The following BMPR1B variants were observed in gnomAD, a reference collection of about 807,000 sequenced individuals.
BMPR1B encodes the protein bone morphogenetic protein receptor type 1B.
Under a neutral mutation model 59.1 loss-of-function variants are expected in BMPR1B, and 12 were observed. The ratio of observed to expected loss-of-function variants is 0.20; its 90% CI spans 0.13 to 0.33. The LOEUF is 0.33. BMPR1B is among the 10% of genes least tolerant of loss of function. BMPR1B has a pLI of 1.00. For missense variants in BMPR1B, 550 were observed against 610.9 expected, an observed-to-expected ratio of 0.90 and a Z score of 1.05; for synonymous variants, 237 against 207.3, an observed-to-expected ratio of 1.14 and a Z score of -1.23.
Position 94,978,227 on chromosome 4 carries a change from A to C in BMPR1B, c.-112-17813A>C, listed in dbSNP as rs545651409. 2.0e-5 allele frequency among the ~76,000 whole-genome samples: 3 copies of C among 152,360 alleles called. No homozygotes were observed. In the East Asian group the frequency reaches 5.8e-4, roughly 29 times the overall value. On this transcript the variant is annotated intron_variant, in intron 2 of 12. Transcript: ENST00000515059. The stretch of plus-strand genomic sequence containing the variant: ...ATCTACTGCTTTTTAACAAATAACC[A>C]TAAAACTTAGTAGATTAAAACAACA...
At chr4:95,115,882 A>G in intron 6 of BMPR1B, 95 bp downstream of exon 6, 1 of 1,111,320 alleles carries the variant, frequency 9.0e-7, no homozygotes, top group Non-Finnish European at 1.3e-6. Flanking sequence ...TACCTGTACC[A>G]CTTTCCACTG....
chr4:95,009,146 G>A (rs1456863160), intron 3 of BMPR1B, among the ~76,000 whole-genome samples: 2 of 152,218 alleles, frequency 1.3e-5, no homozygotes, highest in African/African-American at 4.8e-5. Context: ...AAATCTTGGT[G>A]TGGATGTGAA....
intron 3 of BMPR1B, among the ~76,000 whole-genome samples, chr4:95,002,105 C>T (rs551377719): frequency 6.6e-5 from 10 of 152,224 alleles, no homozygotes; most frequent in Admixed American, 3.3e-4. Flanking sequence ...ATACTACCCA[C>T]TAGGTAGTTT....
chr4:94,951,730 G>A (rs1232978962), intron 2 of BMPR1B, among the ~76,000 whole-genome samples: 1 of 151,952 alleles, frequency 6.6e-6, no homozygotes, highest in Non-Finnish European at 1.5e-5. Context: ...TTTTTTTGTT[G>A]TGTCTCTACC....
At chr4:94,956,199 A>T (rs1730136136) in intron 2 of BMPR1B, among the ~76,000 whole-genome samples, 1 of 151,926 alleles carries the variant, frequency 6.6e-6, no homozygotes, top group South Asian at 2.1e-4. Context: ...TTTAGAAGAG[A>T]GTTTTAGGTT....
intron 2 of BMPR1B, among the ~76,000 whole-genome samples, chr4:94,975,152 G>GT (rs1730971195): frequency 6.6e-6 from 1 of 152,084 alleles, no homozygotes; most frequent in African/African-American, 2.4e-5. Context: ...GAGCAGGTGA[G>GT]TAGGAGGGGC....
At chr4:94,828,735 A>G (rs1724470001) in intron 1 of BMPR1B, among the ~76,000 whole-genome samples, 1 of 152,098 alleles carries the variant, frequency 6.6e-6, no homozygotes, top group East Asian at 1.9e-4. Context: ...ATCACCATCA[A>G]TCTGGACCCC....
intron 2 of BMPR1B, among the ~76,000 whole-genome samples, chr4:94,880,783 G>A (rs1274697682): frequency 2.0e-5 from 3 of 151,514 alleles, no homozygotes; most frequent in Non-Finnish European, 2.9e-5. Context: ...GATTACAGGC[G>A]TGCCACCATG....
At chr4:94,828,367 A>G (rs1205616291) in intron 1 of BMPR1B, among the ~76,000 whole-genome samples, 1 of 152,194 alleles carries the variant, frequency 6.6e-6, no homozygotes, top group Non-Finnish European at 1.5e-5. Context: ...TATTTCCAAT[A>G]ACAGAATTTT....
At chr4:94,825,376 A>G (rs904779466) in intron 1 of BMPR1B, among the ~76,000 whole-genome samples, 4 of 152,044 alleles carry the variant, frequency 2.6e-5, no homozygotes, top group Non-Finnish European at 4.4e-5. Flanking sequence ...AGTGTGGCAT[A>G]TACCTGTAGT....
At chr4:95,010,057 CAGAG>C (rs1723114219) in intron 3 of BMPR1B, among the ~76,000 whole-genome samples, 1 of 152,082 alleles carries the variant, frequency 6.6e-6, no homozygotes, top group Non-Finnish European at 1.5e-5. Flanking sequence ...TTGGGGGACA[CAGAG>C]AAGGAATAGC....
chr4:94,911,829 G>A (rs1303073700), intron 2 of BMPR1B, among the ~76,000 whole-genome samples: 3 of 152,112 alleles, frequency 2.0e-5, no homozygotes, highest in African/African-American at 7.2e-5. Context: ...TGGTATAGGA[G>A]TAGGCCCAAT....
chr4:95,137,486 T>C (rs1733886692), intron 10 of BMPR1B, among the ~76,000 whole-genome samples: 1 of 152,164 alleles, frequency 6.6e-6, no homozygotes, highest in African/African-American at 2.4e-5. Flanking sequence ...GTCTCGTTGA[T>C]CTGTCTAATG....
intron 4 of BMPR1B, among the ~76,000 whole-genome samples, chr4:95,109,805 AC>A (rs1318823492): frequency 1.3e-5 from 2 of 150,154 alleles, no homozygotes; most frequent in Non-Finnish European, 3.0e-5. Context: ...GGTGTGCTGC[AC>A]CCATTAACTC....
chr4:95,157,917 A>G lies in BMPR1B; in HGVS notation c.*3244A>G, dbSNP rs1345194886. The G allele has an allele frequency of 6.6e-6, 1 of 152,160 alleles. No homozygotes were observed. The highest frequency in any genetic ancestry group is 1.5e-5 in the Non-Finnish European group (1 of 68,018). 9.4% of individuals were successfully genotyped at this position (152,160 alleles called of 1,614,324 possible). A position where few individuals can be genotyped will look rare whatever the true frequency, so the allele number is the denominator to read the frequency against. On this transcript the variant is annotated 3_prime_UTR_variant, in exon 13 of 13. Transcript: ENST00000515059. ...CATGCTGAGATTTTATTTACAGGGA[A>G]TTCTTTGACACATTTCAATTGGTGT...
intron 8 of BMPR1B, among the ~76,000 whole-genome samples, chr4:95,129,576 A>G (rs1456981659): frequency 6.6e-6 from 1 of 151,872 alleles, no homozygotes; most frequent in African/African-American, 2.4e-5. Flanking sequence ...GCTGATTACT[A>G]TGAGCCTACT....
chr4:94,974,621 G>T (rs984511207), intron 2 of BMPR1B, among the ~76,000 whole-genome samples: 5 of 152,082 alleles, frequency 3.3e-5, no homozygotes, highest in Non-Finnish European at 7.3e-5. Flanking sequence ...TGTAATACCT[G>T]ATTAAGGCAC....
chr4:95,114,610 C>T, intron 4 of BMPR1B, 110 bp from the exon 5 acceptor site: 1 of 954,064 alleles, frequency 1.0e-6, no homozygotes, highest in Non-Finnish European at 1.7e-6. Flanking sequence ...TGCAATAAAA[C>T]AAATGATACA....
chr4:95,089,423 C>T (rs1475165914), intron 3 of BMPR1B, among the ~76,000 whole-genome samples: 2 of 151,998 alleles, frequency 1.3e-5, no homozygotes, highest in East Asian at 3.9e-4. Context: ...TGGGTGAGAA[C>T]ATTACTGGCA....
Sources: allele counts gnomAD v4.1 joint callset (sites outside exome capture counted in the v4.1 genomes callset), GRCh38; gene constraint gnomAD v4.1.1; transcripts MANE v1.5; gene names NCBI Gene and HGNC (gene_info 2026-07-23, HGNC 2026-07-21).